Variants in TULP2 observed in about 807,000 individuals in gnomAD.
TULP2 encodes TUB like protein 2.
In TULP2, 64 loss-of-function variants were observed where a neutral mutation model predicts 60.3. The observed-to-expected ratio is 1.06, with a 90% CI of 0.87 to 1.31. The LOEUF is 1.31. Among genes scored for constraint, TULP2 ranks in the 50% most tolerant of loss-of-function variants. The pLI is 0.00. For missense variants in TULP2, 652 were observed against 667.0 expected (o/e 0.98, Z 0.25); for synonymous variants, 267 against 265.4 (o/e 1.01, Z -0.06).
chr19:48,895,618 G>A, intron 4 of TULP2, 115 bp from the exon 5 acceptor site: 4 of 1,364,390 alleles, frequency 2.9e-6, no homozygotes, highest in Middle Eastern at 2.6e-4. Context: ...CGTGGCTCAC[G>A]CCTGTAATCC....
In TULP2 at chr19:48,896,438, C is replaced by G; in HGVS notation, c.203G>C (p.Gly68Ala). The G allele has an allele frequency of 6.2e-7, 1 of 1,608,746 alleles. No individual in the cohort carries two copies. The highest frequency in any genetic ancestry group is 8.5e-7 in the Non-Finnish European group (1 of 1,178,338). ...CAGGGGTCTTTGGTCACCTCTGTCACCTAAAAGGCGCTCCTCCCGCAGACA... is the reference window on the plus strand; with the variant it reads ...CAGGGGTCTTTGGTCACCTCTGTCAGCTAAAAGGCGCTCCTCCCGCAGACA... ...RSCLREERLL[G>A]DRGLGNPFLR... Residue 68 changes from glycine to alanine, a missense_variant, in exon 4 of 13, where the codon GGT becomes GCT. Physicochemically the swap from Gly to Ala is moderately conservative, Grantham distance 60 (BLOSUM62 0). Coordinates refer to ENST00000221399, the MANE Select transcript of TULP2 (RefSeq NM_003323.3).
chr19:48,893,372 GAAA>G (rs377709619), intron 6 of TULP2, among the ~76,000 whole-genome samples: 1 of 91,986 alleles, frequency 1.1e-5, no homozygotes, highest in Admixed American at 1.1e-4. Context: ...TCTGCCTCAA[GAAA>G]AAAAAAAAAA....
rs948976709 is a variant in TULP2, at chr19:48,896,360, C to T, written c.211+70G>A. ...CCCTAAGGCTCCACCCCTTCATCCA[C>T]TAGGCCCCGCCCACAGACTCCCACA... On this transcript the variant is annotated intron_variant, in intron 4 of 12. Transcript: ENST00000221399. 13 of 1,504,910 alleles carry T rather than the reference C, an allele frequency of 8.6e-6. No homozygotes were observed. In the African/African-American group the frequency reaches 1.8e-4, roughly 21 times the overall value. 93.2% of individuals were successfully genotyped at this position (1,504,910 alleles called of 1,614,324 possible).
chr19:48,893,701 A>C (rs1226911219), intron 6 of TULP2, among the ~76,000 whole-genome samples: 1 of 151,946 alleles, frequency 6.6e-6, no homozygotes, highest in East Asian at 2.0e-4. Context: ...TTACAGGTGC[A>C]TGCCACCACG....
At chr19:48,896,297 T>TG in intron 4 of TULP2, 133 bp downstream of exon 4, 10 of 1,309,722 alleles carry the variant, frequency 7.6e-6, no homozygotes, top group Non-Finnish European at 1.0e-5. Context: ...AAAGCTCTCC[T>TG]GGGCCAAGGC....
At chr19:48,881,958 G>A in intron 12 of TULP2, 74 bp downstream of exon 12, 3 of 1,593,056 alleles carry the variant, frequency 1.9e-6, no homozygotes, top group Non-Finnish European at 2.6e-6. Context: ...GATGATGGGA[G>A]ATGTAGTTCC....
chr19:48,887,332 T>C (rs2037189722), intron 8 of TULP2, among the ~76,000 whole-genome samples: 1 of 114,914 alleles, frequency 8.7e-6, no homozygotes, highest in African/African-American at 3.2e-5. Flanking sequence ...TTTTTTTTTT[T>C]TTTTTTTTTT....
chr19:48,895,416 C>T lies in TULP2; in HGVS notation c.299G>A (p.Gly100Asp). ...GCCGCGCTCGCCCCTGCCGTCTCCA[C>T]CACAGCTCACGGTGCCCAGGGCACT... ...IHSALGTVSC[G>D]GDGRGERGLP... The change falls in exon 5 of 13, where the codon GGT becomes GAT. Residue 100 changes from glycine to aspartate, a missense_variant. By Grantham distance (94) the Gly-to-Asp change is moderately conservative. Transcript: ENST00000221399. The T allele has an allele frequency of 6.2e-7, 1 of 1,614,020 alleles. No individual in the cohort carries two copies. The highest frequency in any genetic ancestry group is 1.1e-5 in the South Asian group (1 of 91,084).
At position 48,889,680 on chromosome 19, in the gene TULP2, A is replaced by G. The variant is rs377000846; in HGVS notation, c.515-49T>C. ...GATCAGATTGTTACTGTGTCTGTGT[A>G]GAAAGAAGTAGACATAGGAGACTCC... On this transcript the variant is annotated intron_variant, in intron 6 of 12. Transcript: ENST00000221399. The G allele has an allele frequency of 5.1e-5, 77 of 1,508,584 alleles. No homozygotes were observed. In the African/African-American group the frequency reaches 9.3e-4, roughly 18 times the overall value. 93.4% of individuals were successfully genotyped at this position (1,508,584 alleles called of 1,614,324 possible).
intron 11 of TULP2, among the ~76,000 whole-genome samples, chr19:48,882,846 G>A (rs1029985065): frequency 2.0e-5 from 3 of 152,152 alleles, no homozygotes; most frequent in Non-Finnish European, 4.4e-5. Flanking sequence ...AGCTAAAAAC[G>A]TAAAGTACAC....
At chr19:48,885,395 G>C in intron 9 of TULP2, 53 bp downstream of exon 9, 1 of 1,464,504 alleles carries the variant, frequency 6.8e-7, no homozygotes. Flanking sequence ...GAGTCCCCCT[G>C]TCCCTAAGCT....
rs568264686 is a variant in TULP2, at chr19:48,888,106, G to T, written c.792C>A (p.Pro264=). 141 of 1,614,076 alleles carry T rather than the reference G, an allele frequency of 8.7e-5. No homozygotes were observed. Among genetic ancestry groups the T allele is most frequent in the Non-Finnish European group, 1.2e-4 (139 of 1,180,028 alleles). Residue 264 remains proline, a synonymous_variant, in exon 8 of 13, where the codon CCC becomes CCA. Coordinates refer to ENST00000221399, the MANE Select transcript of TULP2 (RefSeq NM_003323.3). ...CCATGTCCTCCTCCAGCCCAGGGCA[G>T]GGGGAGCGGATTGCCAAGGAGGCTT... The part of the protein sequence containing the change: ...RHEASLAIRS[P]CPGLEEDMEA...
chr19:48,898,406 T>A (rs916589435), intron 1 of TULP2, 184 bp downstream of exon 1: 1 of 149,714 alleles, frequency 6.7e-6, no homozygotes, highest in Non-Finnish European at 1.5e-5. Context: ...AATATCTAAT[T>A]CTCCAGCACC....
At chr19:48,894,787 C>T (rs192832037) in intron 6 of TULP2, among the ~76,000 whole-genome samples, 24 of 152,214 alleles carry the variant, frequency 1.6e-4, no homozygotes, top group African/African-American at 5.5e-4. Context: ...TTGGCGTCTG[C>T]GGATCTTGGT....
intron 10 of TULP2, 33 bp downstream of exon 10, chr19:48,883,899 C>A: frequency 6.2e-7 from 1 of 1,613,898 alleles, no homozygotes; most frequent in Non-Finnish European, 8.5e-7. Flanking sequence ...TTCTGACTAT[C>A]CTACCCCATT....
chr19:48,883,527 T>C (rs967526889), intron 11 of TULP2, among the ~76,000 whole-genome samples: 3 of 152,134 alleles, frequency 2.0e-5, no homozygotes, highest in African/African-American at 4.8e-5. Flanking sequence ...TTTGGTAAGT[T>C]TGTTAACCTA....
At chr19:48,885,654 C>T (rs1301255231) in intron 8 of TULP2, 94 bp from the exon 9 acceptor site, 76 of 1,100,916 alleles carry the variant, frequency 6.9e-5, no homozygotes, top group Middle Eastern at 4.5e-4. Context: ...GAGGCTGCGG[C>T]GGGCAGATCA....
Position 48,887,899 on chromosome 19 carries a change from G to A in TULP2, c.948+51C>T, listed in dbSNP as rs370710682. The A allele has an allele frequency of 2.7e-5, 42 of 1,563,632 alleles. 1 individual carries two copies. Among genetic ancestry groups the A allele is most frequent in the East Asian group, 2.5e-4 (11 of 44,366 alleles). ...CTAGCTCAGAAAGGAGTGGGATTTT[G>A]CCTGGGAGGTGGGGGCTTACTCCCA... On this transcript the variant is annotated intron_variant, in intron 8 of 12. Coordinates refer to ENST00000221399, the MANE Select transcript of TULP2 (RefSeq NM_003323.3).
intron 5 of TULP2, 95 bp from the exon 6 acceptor site, chr19:48,895,257 C>A: frequency 3.2e-6 from 5 of 1,568,262 alleles, no homozygotes; most frequent in Non-Finnish European, 4.3e-6. Flanking sequence ...GGAGTGGGTG[C>A]GGTCCTGAGC....
Sources: gnomAD v4.1 joint callset for allele counts (sites outside exome capture counted in the v4.1 genomes callset) on GRCh38, gnomAD v4.1.1 for gene constraint, MANE v1.5 for transcripts, NCBI Gene and HGNC (gene_info 2026-07-23, HGNC 2026-07-21) for gene names.